The following KLHL29 variants were observed in gnomAD, a reference collection of about 807,000 sequenced individuals.
KLHL29 encodes kelch like family member 29, also known as kelch-like protein 29.
In KLHL29, 21 loss-of-function variants were observed where a neutral mutation model predicts 80.4. That is an observed-to-expected ratio of 0.26 (90% CI 0.19 to 0.38). The LOEUF (loss-of-function observed/expected upper bound fraction) is 0.38, where lower values mean the gene tolerates loss of function less well. Ranked by LOEUF, KLHL29 falls within the 10% of genes least tolerant of loss-of-function variation. The pLI, the probability that KLHL29 is intolerant of heterozygous loss-of-function variation, is 1.00. For synonymous variants in KLHL29, 511 were observed against 526.8 expected, an observed-to-expected ratio of 0.97 and a Z score of 0.41; for missense variants, 867 against 1,223.9, an observed-to-expected ratio of 0.71 and a Z score of 4.35.
intron 1 of KLHL29, among the ~76,000 whole-genome samples, chr2:23,461,220 G>A (rs1664199260): frequency 6.6e-6 from 1 of 152,200 alleles, no homozygotes; most frequent in Non-Finnish European, 1.5e-5. Flanking sequence ...AGAGACTGAG[G>A]CAGAGGGGTC....
intron 5 of KLHL29, among the ~76,000 whole-genome samples, chr2:23,658,395 T>TGCTGATTAGAGGGGGGCA: frequency 6.6e-6 from 1 of 152,220 alleles, no homozygotes; most frequent in East Asian, 1.9e-4. Flanking sequence ...CCTCACCAAT[T>TGCTGATTAGAGGGGGGCA]GCTGATTAGA....
intron 4 of KLHL29, among the ~76,000 whole-genome samples, chr2:23,641,994 A>G (rs1164560355): frequency 6.6e-6 from 1 of 152,134 alleles, no homozygotes; most frequent in East Asian, 1.9e-4. Flanking sequence ...AAAATAAAAT[A>G]AAAAAGAACT....
intron 1 of KLHL29, among the ~76,000 whole-genome samples, chr2:23,421,451 G>A (rs530423470): frequency 1.3e-5 from 2 of 152,222 alleles, no homozygotes; most frequent in African/African-American, 4.8e-5. Flanking sequence ...CTCCTGGAGG[G>A]GAGAAGTGAA....
rs933403929 is a variant in KLHL29, at chr2:23,385,577, C to A, written c.-357C>A. ...CTGGGCTGCCGGGAGGCGGCGGCGG[C>A]GGAGGAGGAGGAGGAACGAGGGGAG... On this transcript the variant is annotated 5_prime_UTR_variant, in exon 1 of 14. Coordinates refer to ENST00000486442, the MANE Select transcript of KLHL29 (RefSeq NM_052920.2). 4.1e-5 allele frequency: 7 copies of A among 170,734 alleles called. No homozygotes were observed. Among genetic ancestry groups the A allele is most frequent in the Non-Finnish European group, 4.2e-5 (3 of 71,388 alleles). The allele number at this position is 170,734 out of a possible 1,614,324, so 10.6% of individuals were successfully genotyped here. A position where few individuals can be genotyped will look rare whatever the true frequency, so the allele number is the denominator to read the frequency against.
chr2:23,386,892 G>A (rs1447672990), intron 1 of KLHL29, among the ~76,000 whole-genome samples: 1 of 152,102 alleles, frequency 6.6e-6, no homozygotes, highest in African/African-American at 2.4e-5. Flanking sequence ...TCGGAGGAGG[G>A]GGTGGCGGCC....
At chr2:23,703,118 C>T in intron 11 of KLHL29, 68 bp from the exon 12 acceptor site, 11 of 1,213,538 alleles carry the variant, frequency 9.1e-6, no homozygotes, top group Non-Finnish European at 1.1e-5. Flanking sequence ...GTTTGCTGCC[C>T]TTGCTTGTGA....
chr2:23,522,685 C>G (rs889618453), intron 2 of KLHL29, among the ~76,000 whole-genome samples: 1 of 152,150 alleles, frequency 6.6e-6, no homozygotes, highest in Non-Finnish European at 1.5e-5. Context: ...GTGGGGAAAC[C>G]CATGGCTCAG....
At chr2:23,633,078 G>T (rs981343667) in intron 3 of KLHL29, among the ~76,000 whole-genome samples, 1 of 152,256 alleles carries the variant, frequency 6.6e-6, no homozygotes, top group Non-Finnish European at 1.5e-5. Context: ...GGCCAGGCAG[G>T]TGGGATGGGC....
intron 5 of KLHL29, among the ~76,000 whole-genome samples, chr2:23,655,357 T>C (rs1266985416): frequency 6.6e-6 from 1 of 152,220 alleles, no homozygotes; most frequent in East Asian, 1.9e-4. Context: ...TGATGAGGCC[T>C]ATTAATTGAG....
At position 23,385,489 on chromosome 2, in the gene KLHL29, A is replaced by C. The variant is rs1476321169; in HGVS notation, c.-445A>C. On this transcript the variant is annotated 5_prime_UTR_variant, in exon 1 of 14. Transcript: ENST00000486442. The stretch of plus-strand genomic sequence containing the variant: ...GCCGCCTCGATGAGAGCCGCGCCGC[A>C]CCGCTCATAGCCGCACAGGCTGACA... 5.8e-6 allele frequency: 1 copy of C among 172,506 alleles called. No homozygotes were observed. Among genetic ancestry groups the C allele is most frequent in the African/African-American group, 2.4e-5 (1 of 41,140 alleles). 10.7% of individuals were successfully genotyped at this position (172,506 alleles called of 1,614,324 possible). A position where few individuals can be genotyped will look rare whatever the true frequency, so the allele number is the denominator to read the frequency against.
intron 1 of KLHL29, among the ~76,000 whole-genome samples, chr2:23,397,391 T>A (rs1666476581): frequency 6.6e-6 from 1 of 152,250 alleles, no homozygotes; most frequent in Non-Finnish European, 1.5e-5. Context: ...AATAATGCGT[T>A]TTTGTTAAGG....
chr2:23,547,594 A>AGCAGTAGCAATAGTTGTG (rs1667010164), intron 2 of KLHL29, among the ~76,000 whole-genome samples: 5 of 152,134 alleles, frequency 3.3e-5, no homozygotes, highest in Admixed American at 2.0e-4. Context: ...TAGAAGTGGT[A>AGCAGTAGCAATAGTTGTG]GCAGTAGCAA....
chr2:23,403,764 T>C (rs1003915362), intron 1 of KLHL29, among the ~76,000 whole-genome samples: 13 of 148,206 alleles, frequency 8.8e-5, no homozygotes, highest in East Asian at 2.0e-4. Context: ...TGTGTGTGTG[T>C]GCAGGCGCAA....
chr2:23,677,068 A>G (rs932831731), intron 5 of KLHL29, among the ~76,000 whole-genome samples: 3 of 152,192 alleles, frequency 2.0e-5, no homozygotes, highest in Non-Finnish European at 4.4e-5. Context: ...AGAAGGGAAT[A>G]TTTCTGTTAA....
rs183033577 is a variant in KLHL29, at chr2:23,446,006, T to A, written c.-153-29554T>A. Among the ~76,000 whole-genome samples, 813 of 152,322 alleles carry A rather than the reference T, an allele frequency of 5.3e-3. 3 individuals carry two copies. Among genetic ancestry groups the A allele is most frequent in the Non-Finnish European group, 7.9e-3 (538 of 68,030 alleles). ...GCCTTTTTCTCTAAATTGCAAATGGTTTCCTTTCTTCGTTTTTTCATTTTT... is the reference window on the plus strand; with the variant it reads ...GCCTTTTTCTCTAAATTGCAAATGGATTCCTTTCTTCGTTTTTTCATTTTT... On this transcript the variant is annotated intron_variant, in intron 1 of 13. Transcript: ENST00000486442.
chr2:23,616,154 A>G (rs1668998257), intron 3 of KLHL29, among the ~76,000 whole-genome samples: 1 of 152,088 alleles, frequency 6.6e-6, no homozygotes, highest in Admixed American at 6.6e-5. Context: ...TAGCAGCCTG[A>G]CCATGAGGTT....
chr2:23,679,001 C>G (rs977166266), intron 5 of KLHL29, among the ~76,000 whole-genome samples: 6 of 150,056 alleles, frequency 4.0e-5, no homozygotes, highest in Non-Finnish European at 5.9e-5. Context: ...TGTGAATATA[C>G]TTAACACAAC....
At chr2:23,390,535 CAG>C (rs1429380117) in intron 1 of KLHL29, among the ~76,000 whole-genome samples, 1 of 151,442 alleles carries the variant, frequency 6.6e-6, no homozygotes, top group African/African-American at 2.4e-5. Context: ...TATTTGTAAA[CAG>C]ATAATCACAC....
intron 2 of KLHL29, among the ~76,000 whole-genome samples, chr2:23,538,059 C>A (rs1018640710): frequency 1.3e-5 from 2 of 152,124 alleles, no homozygotes; most frequent in African/African-American, 4.8e-5. Context: ...TCACTGAGCC[C>A]GTTTGGCTGG....
Sources: allele counts gnomAD v4.1 joint callset (sites outside exome capture counted in the v4.1 genomes callset), GRCh38; gene constraint gnomAD v4.1.1; transcripts MANE v1.5; gene names NCBI Gene and HGNC (gene_info 2026-07-23, HGNC 2026-07-21).